Variants in GULP1 observed in about 807,000 individuals in gnomAD.
GULP1 encodes the protein GULP PTB domain containing engulfment adaptor 1, also known as PTB domain-containing engulfment adapter protein 1.
In GULP1, 19 loss-of-function variants were observed where a neutral mutation model predicts 40.9. That is an observed-to-expected ratio of 0.46 (90% CI 0.32 to 0.68). The LOEUF (loss-of-function observed/expected upper bound fraction) is 0.68. Among genes scored for constraint, GULP1 ranks in the 30% least tolerant of loss-of-function variants. The pLI is 0.03. For synonymous variants in GULP1, 119 were observed against 117.6 expected (o/e 1.01, Z -0.08); for missense variants, 312 against 362.2 (o/e 0.86, Z 1.12).
intron 7 of GULP1, among the ~76,000 whole-genome samples, chr2:188,557,499 C>G (rs992486298): frequency 2.0e-5 from 3 of 152,174 alleles, no homozygotes; most frequent in Non-Finnish European, 2.9e-5. Context: ...ACTCCATGTC[C>G]CATATCCAGG....
intron 1 of GULP1, among the ~76,000 whole-genome samples, chr2:188,312,197 TA>T (rs541779463): frequency 1.4e-4 from 21 of 151,044 alleles, no homozygotes; most frequent in South Asian, 4.2e-4. Flanking sequence ...TAATTTCTCC[TA>T]AAAAAAAACC....
intron 2 of GULP1, among the ~76,000 whole-genome samples, chr2:188,384,720 G>A (rs2049441948): frequency 6.6e-6 from 1 of 152,184 alleles, no homozygotes; most frequent in Non-Finnish European, 1.5e-5. Context: ...TAGGGTACAG[G>A]AATTGGGTAG....
intron 7 of GULP1, among the ~76,000 whole-genome samples, chr2:188,565,343 TAAAA>T (rs774765530): frequency 2.6e-5 from 4 of 151,708 alleles, no homozygotes; most frequent in Non-Finnish European, 5.9e-5. Context: ...AAATCACAAA[TAAAA>T]AGACAAAACA....
intron 2 of GULP1, among the ~76,000 whole-genome samples, chr2:188,462,228 T>C (rs1437908198): frequency 2.0e-5 from 3 of 152,188 alleles, no homozygotes; most frequent in Admixed American, 2.0e-4. Context: ...TATGTCTTTA[T>C]ATAGTTTCCA....
In GULP1 at chr2:188,362,442, G is replaced by A. The variant is rs573095173; in HGVS notation, c.-171-21321G>A. ...ATATTACTGACTTTTATTTCTGCAC[G>A]TGATATTATTGATGATGCCTTACTC... On this transcript the variant is annotated intron_variant, in intron 1 of 11. Coordinates refer to ENST00000409830, the MANE Select transcript of GULP1 (RefSeq NM_016315.4). Among the ~76,000 whole-genome samples, 15 of 152,134 alleles carry A rather than the reference G, an allele frequency of 9.9e-5. No individual in the cohort carries two copies. The East Asian group carries it at 2.3e-3, about 23-fold the overall frequency.
At chr2:188,486,889 G>A (rs989543147) in intron 4 of GULP1, among the ~76,000 whole-genome samples, 2 of 151,832 alleles carry the variant, frequency 1.3e-5, no homozygotes, top group Non-Finnish European at 2.9e-5. Context: ...CAGGTAGTAG[G>A]TCATAGGGAC....
chr2:188,316,930 T>G (rs1161641596), intron 1 of GULP1, among the ~76,000 whole-genome samples: 1 of 152,122 alleles, frequency 6.6e-6, no homozygotes, highest in Non-Finnish European at 1.5e-5. Flanking sequence ...TCATTTCCTT[T>G]AAAGAAAACA....
intron 1 of GULP1, among the ~76,000 whole-genome samples, chr2:188,313,929 T>C (rs2038629755): frequency 6.6e-6 from 1 of 151,984 alleles, no homozygotes; most frequent in Admixed American, 6.6e-5. Flanking sequence ...TTGTTAGATG[T>C]ATTCCTAGGG....
chr2:188,427,457 G>A (rs2056349129), intron 2 of GULP1, among the ~76,000 whole-genome samples: 1 of 152,210 alleles, frequency 6.6e-6, no homozygotes, highest in Non-Finnish European at 1.5e-5. Flanking sequence ...GGGGACCTAG[G>A]AGAACTCAAT....
At chr2:188,407,730 C>G (rs1468745050) in intron 2 of GULP1, among the ~76,000 whole-genome samples, 1 of 151,984 alleles carries the variant, frequency 6.6e-6, no homozygotes, top group African/African-American at 2.4e-5. Flanking sequence ...AAGAAAGGAA[C>G]AAAGGATGTA....
intron 2 of GULP1, among the ~76,000 whole-genome samples, chr2:188,457,819 A>C (rs937819427): frequency 6.6e-6 from 1 of 151,984 alleles, no homozygotes; most frequent in Non-Finnish European, 1.5e-5. Context: ...GCTGGAACAA[A>C]CCCCCCACAC....
chr2:188,310,899 G>A (rs1213951904), intron 1 of GULP1, among the ~76,000 whole-genome samples: 1 of 152,134 alleles, frequency 6.6e-6, no homozygotes, highest in Non-Finnish European at 1.5e-5. Flanking sequence ...GAAAAGAAAG[G>A]ACTAACTTGA....
chr2:188,426,676 AG>A (rs1003681003), intron 2 of GULP1, among the ~76,000 whole-genome samples: 8 of 152,168 alleles, frequency 5.3e-5, no homozygotes, highest in African/African-American at 1.9e-4. Flanking sequence ...TTAATATTAA[AG>A]CTTGTCAGTT....
intron 6 of GULP1, among the ~76,000 whole-genome samples, chr2:188,531,703 T>C (rs1171448611): frequency 1.3e-5 from 2 of 152,102 alleles, no homozygotes; most frequent in Non-Finnish European, 2.9e-5. Context: ...AACAAGGCAA[T>C]TGAAAGCAAG....
chr2:188,488,921 G>A (rs2062097886), intron 4 of GULP1, among the ~76,000 whole-genome samples: 1 of 151,908 alleles, frequency 6.6e-6, no homozygotes, highest in Non-Finnish European at 1.5e-5. Context: ...CCATTAGGGA[G>A]TTTTACAAGT....
chr2:188,424,040 G>A (rs1030802893), intron 2 of GULP1, among the ~76,000 whole-genome samples: 2 of 151,624 alleles, frequency 1.3e-5, no homozygotes, highest in Non-Finnish European at 3.0e-5. Flanking sequence ...AATTTTATAG[G>A]CTTAAATGTG....
intron 1 of GULP1, among the ~76,000 whole-genome samples, chr2:188,367,626 G>A (rs78755566): frequency 1.4e-4 from 21 of 152,120 alleles, no homozygotes; most frequent in African/African-American, 5.1e-4. Context: ...AGTACATTAA[G>A]ATTCTAGGAA....
intron 1 of GULP1, among the ~76,000 whole-genome samples, chr2:188,333,169 C>T (rs527855912): frequency 6.6e-6 from 1 of 151,842 alleles, no homozygotes; most frequent in South Asian, 2.1e-4. Flanking sequence ...TGCTTGAACC[C>T]AGGAGACTGA....
intron 2 of GULP1, among the ~76,000 whole-genome samples, chr2:188,470,516 A>G (rs1201681257): frequency 6.6e-6 from 1 of 151,828 alleles, no homozygotes; most frequent in Admixed American, 6.6e-5. Flanking sequence ...TGTTTATTTG[A>G]AGCTTTTCTT....
Sources: gnomAD v4.1 joint callset for allele counts (sites outside exome capture counted in the v4.1 genomes callset) on GRCh38, gnomAD v4.1.1 for gene constraint, MANE v1.5 for transcripts, NCBI Gene and HGNC (gene_info 2026-07-23, HGNC 2026-07-21) for gene names.